Variants in QTMAN observed in about 807,000 individuals in gnomAD.
The protein encoded by QTMAN is tRNA-queuosine alpha-mannosyltransferase.
At chr2:144,038,080 T>C in the QTMAN span, among the ~76,000 whole-genome samples, 4 of 152,212 alleles carry the variant, frequency 2.6e-5, no homozygotes, top group African/African-American at 9.6e-5. Flanking sequence ...ATTTAATGAA[T>C]TAAATTATAA....
At chr2:144,318,478 A>G in the QTMAN span, among the ~76,000 whole-genome samples, 1 of 152,218 alleles carries the variant, frequency 6.6e-6, no homozygotes, top group Non-Finnish European at 1.5e-5. Context: ...CATTGCTTCA[A>G]TGAAAAAACA....
At chr2:144,074,639 T>C in the QTMAN span, among the ~76,000 whole-genome samples, 118 of 152,302 alleles carry the variant, frequency 7.7e-4, no homozygotes, top group African/African-American at 2.7e-3. Context: ...TCCAGCTCAA[T>C]GATTTCATTT....
At chr2:144,143,595 G>A in the QTMAN span, among the ~76,000 whole-genome samples, 1 of 151,830 alleles carries the variant, frequency 6.6e-6, no homozygotes, top group Admixed American at 6.6e-5. Context: ...GGGGGGTGTG[G>A]GTGATTACAA....
chr2:144,195,900 A>G, the QTMAN span, among the ~76,000 whole-genome samples: 26 of 152,224 alleles, frequency 1.7e-4, no homozygotes, highest in African/African-American at 6.0e-4. Context: ...TATAAACTTA[A>G]AAGTTATCAT....
chr2:144,273,726 G>A, the QTMAN span, among the ~76,000 whole-genome samples: 1 of 152,164 alleles, frequency 6.6e-6, no homozygotes, highest in Non-Finnish European at 1.5e-5. Flanking sequence ...AGGATTTACT[G>A]AATTTAAATT....
At chr2:144,132,584 C>T in the QTMAN span, among the ~76,000 whole-genome samples, 37 of 152,180 alleles carry the variant, frequency 2.4e-4, 1 homozygote, top group South Asian at 7.2e-3. Flanking sequence ...TGTCACATGA[C>T]ACAGTACTCA....
At chr2:144,322,307 G>T in the QTMAN span, among the ~76,000 whole-genome samples, 1 of 152,062 alleles carries the variant, frequency 6.6e-6, no homozygotes, top group Non-Finnish European at 1.5e-5. Context: ...GGCTTGTAAT[G>T]ATCAACATTC....
At chr2:144,214,523 G>T in the QTMAN span, among the ~76,000 whole-genome samples, 1 of 152,108 alleles carries the variant, frequency 6.6e-6, no homozygotes. Context: ...CCATTATTTG[G>T]TTAGGAGACA....
chr2:144,128,316 G>C, the QTMAN span: 1 of 151,962 alleles, frequency 6.6e-6, no homozygotes, highest in Non-Finnish European at 1.5e-5. Flanking sequence ...GAGTAGCCCA[G>C]TGTTTACTGG....
At chr2:144,298,722 G>T in the QTMAN span, among the ~76,000 whole-genome samples, 1 of 152,152 alleles carries the variant, frequency 6.6e-6, no homozygotes, top group Non-Finnish European at 1.5e-5. Context: ...AGGGAGGAGA[G>T]GTCAGGCATA....
the QTMAN span, among the ~76,000 whole-genome samples, chr2:144,098,722 A>G: frequency 1.3e-5 from 2 of 152,050 alleles, no homozygotes; most frequent in Non-Finnish European, 2.9e-5. Context: ...CTCAAAAAAA[A>G]AAAAAAGTAA....
the QTMAN span, among the ~76,000 whole-genome samples, chr2:144,191,470 T>C: frequency 6.6e-6 from 1 of 152,118 alleles, no homozygotes; most frequent in Non-Finnish European, 1.5e-5. Context: ...AATAATGGAG[T>C]ATTAGAAAAT....
At chr2:143,993,070 T>A in the QTMAN span, among the ~76,000 whole-genome samples, 2 of 152,204 alleles carry the variant, frequency 1.3e-5, no homozygotes, top group Non-Finnish European at 2.9e-5. Context: ...AAAGCCTTGA[T>A]AATGAACATT....
the QTMAN span, chr2:144,007,502 C>CT: frequency 3.7e-6 from 6 of 1,600,892 alleles, no homozygotes; most frequent in Non-Finnish European, 4.3e-6. Flanking sequence ...CGAGCATCTT[C>CT]TTTAAATGGG....
chr2:144,307,152 T>A, the QTMAN span, among the ~76,000 whole-genome samples: 2 of 85,702 alleles, frequency 2.3e-5, no homozygotes, highest in Non-Finnish European at 4.1e-5. Context: ...AGAGCGAGAC[T>A]CCGTCTTAAA....
the QTMAN span, among the ~76,000 whole-genome samples, chr2:144,288,395 T>G: frequency 1.3e-5 from 2 of 152,206 alleles, no homozygotes; most frequent in African/African-American, 4.8e-5. Context: ...GATTAAATGT[T>G]AGGGTGATTC....
chr2:144,243,979 G>A, the QTMAN span, among the ~76,000 whole-genome samples: 106 of 152,246 alleles, frequency 7.0e-4, no homozygotes, highest in African/African-American at 2.5e-3. Flanking sequence ...CTGCTGTCAA[G>A]AAACAAAAAA....
chr2:144,182,643 C>CAAAA, the QTMAN span, among the ~76,000 whole-genome samples: 2 of 34,976 alleles, frequency 5.7e-5, no homozygotes, highest in African/African-American at 1.9e-4. Flanking sequence ...GACTCCGTCT[C>CAAAA]AAAAAAAAAA....
chr2:144,204,570 T>C, the QTMAN span, among the ~76,000 whole-genome samples: 5 of 152,228 alleles, frequency 3.3e-5, no homozygotes, highest in African/African-American at 9.6e-5. Flanking sequence ...TCAACCATTG[T>C]GGAAGTCAGC....
Sources: allele counts gnomAD v4.1 joint callset (sites outside exome capture counted in the v4.1 genomes callset), GRCh38; gene constraint gnomAD v4.1.1; transcripts MANE v1.5; gene names NCBI Gene and HGNC (gene_info 2026-07-23, HGNC 2026-07-21).